KANSL3: variants seen among roughly 807,000 people sequenced by gnomAD.
KANSL3 encodes NSL complex protein NSL3.
Under a neutral mutation model 89.2 loss-of-function variants are expected in KANSL3, and 16 were observed. The ratio of observed to expected loss-of-function variants is 0.18; its 90% CI spans 0.12 to 0.27. The LOEUF (loss-of-function observed/expected upper bound fraction) is 0.27. Ranked by LOEUF, KANSL3 falls within the 10% of genes least tolerant of loss-of-function variation. The pLI is 1.00. For missense variants in KANSL3, 879 were observed against 1,110.6 expected, an observed-to-expected ratio of 0.79 and a Z score of 2.96; for synonymous variants, 385 against 419.7, an observed-to-expected ratio of 0.92 and a Z score of 1.01.
At chr2:96,604,902 A>G in intron 15 of KANSL3, 39 bp from the exon 16 acceptor site, 2 of 1,520,852 alleles carry the variant, frequency 1.3e-6, no homozygotes, top group Non-Finnish European at 1.8e-6. Context: ...GGTCAGTCCT[A>G]TTTGGCCTCT....
At chr2:96,612,169 T>G (rs2069122602) in intron 9 of KANSL3, 113 bp downstream of exon 9, 1 of 741,186 alleles carries the variant, frequency 1.3e-6, no homozygotes, top group Non-Finnish European at 2.4e-6. Flanking sequence ...AATGTAATTA[T>G]ATAGGTAAAG....
At chr2:96,584,798 T>C in the KANSL3 span, among the ~76,000 whole-genome samples, 1 of 152,218 alleles carries the variant, frequency 6.6e-6, no homozygotes, top group East Asian at 1.9e-4. Context: ...TCCTCTATCT[T>C]GGCTGCTGTG....
rs2068410231 is a variant in KANSL3, at chr2:96,608,866, C to G, written c.1582G>C (p.Glu528Gln). ...AKLPASPSGS[E>Q]DLSSVSSSPT... ...CGCTCCCTCCCTGCTCACACTACCT[C>G]TGAGCCTGAGGGTGAGGCGGGCAGC... Residue 528 changes from glutamate to glutamine, a missense_variant and splice_region_variant, in exon 13 of 21, where the codon GAG (glutamate) becomes CAG (glutamine). Around this residue, in one of 6 missense-constraint regions of KANSL3, gnomAD observed 317 missense variants for 311.2 expected, o/e 1.02. Coordinates refer to ENST00000431828, the MANE Select transcript of KANSL3 (RefSeq NM_001115016.3). 2 of 1,576,486 alleles carry G rather than the reference C, an allele frequency of 1.3e-6. No individual in the cohort carries two copies. The highest frequency in any genetic ancestry group is 2.3e-5 in the East Asian group (1 of 43,182).
At chr2:96,589,725 C>T (rs1308031146), downstream of KANSL3, among the ~76,000 whole-genome samples, 2 of 152,128 alleles carry the variant, frequency 1.3e-5, no homozygotes, top group Non-Finnish European at 2.9e-5. Context: ...AACACTCCAC[C>T]CTACAGCAGA....
rs1046639077 is a variant in KANSL3 at position 96,595,463 on chromosome 2, C to T, written c.*148G>A. On this transcript the variant is annotated 3_prime_UTR_variant, in exon 21 of 21. Transcript: ENST00000431828. ...CGTATCACCTAACCTAATGGTTTCTCTGAAGACAGTTGGCGGAGAGGCAAA... is the reference window on the plus strand; with the variant it reads ...CGTATCACCTAACCTAATGGTTTCTTTGAAGACAGTTGGCGGAGAGGCAAA... 2.9e-6 allele frequency: 2 copies of T among 694,332 alleles called. No homozygotes were observed. Among genetic ancestry groups the T allele is most frequent in the Non-Finnish European group, 4.8e-6 (2 of 414,834 alleles). The allele number at this position is 694,332 out of a possible 1,614,324, so 43.0% of individuals were successfully genotyped here.
rs1235251014 is a variant in KANSL3, at chr2:96,608,747, T to C, written c.1585-83A>G. 10 of 1,580,622 alleles carry C rather than the reference T, an allele frequency of 6.3e-6. No individual in the cohort carries two copies. In the East Asian group the frequency reaches 2.0e-4, roughly 32 times the overall value. On this transcript the variant is annotated intron_variant, in intron 13 of 20. Coordinates refer to ENST00000431828, the MANE Select transcript of KANSL3 (RefSeq NM_001115016.3). ...TCAGCATGTCCCTCTGGAATTCCCC[T>C]TGTAGGAACTCACAGGCCCATGGCA... is the stretch of plus-strand genomic sequence containing the variant.
At chr2:96,626,562 C>T (rs1023561889) in intron 3 of KANSL3, among the ~76,000 whole-genome samples, 1 of 152,200 alleles carries the variant, frequency 6.6e-6, no homozygotes, top group African/African-American at 2.4e-5. Context: ...GATACTACTA[C>T]ATTCTTTCAC....
chr2:96,626,355 TAA>T (rs2072310582), intron 3 of KANSL3, among the ~76,000 whole-genome samples: 1 of 98,190 alleles, frequency 1.0e-5, no homozygotes, highest in Admixed American at 1.4e-4. Flanking sequence ...GAAGGGGAAA[TAA>T]AGAGGGTGGG....
In KANSL3 at chr2:96,609,037, C is replaced by A; in HGVS notation, c.1411G>T (p.Val471Leu). 6.4e-7 allele frequency: 1 copy of A among 1,562,576 alleles called. No homozygotes were observed. The highest frequency in any genetic ancestry group is 8.7e-7 in the Non-Finnish European group (1 of 1,153,142). Residue 471 changes from valine (V) to leucine (L), a missense_variant, in exon 13 of 21, where the codon GTG becomes TTG. Around this residue, in one of 6 missense-constraint regions of KANSL3, gnomAD observed 317 missense variants for 311.2 expected, o/e 1.02. Coordinates refer to ENST00000431828, the MANE Select transcript of KANSL3 (RefSeq NM_001115016.3). ...ATGTGACCCTCAGCACGAGTGAGCA[C>A]TCCAGTCAGAAAGTCCACAATCTCA... ...QDEIVDFLTG[V>L]LTRAEGHMGS...
chr2:96,593,004 A>G (rs941104911), downstream of KANSL3, among the ~76,000 whole-genome samples: 11 of 144,552 alleles, frequency 7.6e-5, no homozygotes, highest in African/African-American at 2.5e-4. Flanking sequence ...CTCCATCTCG[A>G]AAAAAAAAAA....
At chr2:96,628,520 T>C in intron 3 of KANSL3, 1 of 171,768 alleles carries the variant, frequency 5.8e-6, no homozygotes, top group Non-Finnish European at 1.3e-5. Context: ...GGTGACGTAC[T>C]CCTGTAGTCC....
At position 96,612,870 on chromosome 2, in the gene KANSL3, G is replaced by C; in HGVS notation, c.860C>G (p.Pro287Arg). 6.4e-7 allele frequency: 1 copy of C among 1,573,102 alleles called. No homozygotes were observed. The highest frequency in any genetic ancestry group is 8.6e-7 in the Non-Finnish European group (1 of 1,159,514). ...CCAGAAGCGGTGGCGGCGTGAAGTGGGAAACACAGAGCTGGAGGGACCAGA... is the reference window on the plus strand; with the variant it reads ...CCAGAAGCGGTGGCGGCGTGAAGTGCGAAACACAGAGCTGGAGGGACCAGA... ...ASSGPSSSVF[P>R]TSRRHRFWQS... Residue 287 changes from proline (P) to arginine (R), a missense_variant, in exon 7 of 21, where the codon CCC becomes CGC. Pro to Arg is a moderately radical substitution (Grantham distance 103, BLOSUM62 -2). Coordinates refer to ENST00000431828, the MANE Select transcript of KANSL3 (RefSeq NM_001115016.3).
At chr2:96,580,720 CATT>C in the KANSL3 span, among the ~76,000 whole-genome samples, 1 of 152,166 alleles carries the variant, frequency 6.6e-6, no homozygotes, top group Non-Finnish European at 1.5e-5. Context: ...TAAAAGTTTG[CATT>C]TTAAAAAGTG....
chr2:96,592,627 A>C (rs1341924265), downstream of KANSL3, among the ~76,000 whole-genome samples: 2 of 152,194 alleles, frequency 1.3e-5, no homozygotes, highest in Admixed American at 6.5e-5. Context: ...AAAGACACTG[A>C]CATCAGACTG....
intron 3 of KANSL3, among the ~76,000 whole-genome samples, chr2:96,629,437 C>T (rs920759530): frequency 1.3e-4 from 20 of 152,178 alleles, no homozygotes; most frequent in Admixed American, 1.2e-3. Context: ...ATTCTCCTGC[C>T]TCAGCCTCCC....
At chr2:96,598,427 G>C (rs769433856) in intron 20 of KANSL3, among the ~76,000 whole-genome samples, 1 of 152,134 alleles carries the variant, frequency 6.6e-6, no homozygotes, top group Non-Finnish European at 1.5e-5. Context: ...AAAGCAAATA[G>C]AATAGACATG....
At chr2:96,613,716 T>G in intron 5 of KANSL3, 97 bp from the exon 6 acceptor site, 1 of 1,166,760 alleles carries the variant, frequency 8.6e-7, no homozygotes, top group Non-Finnish European at 1.2e-6. Context: ...CTATAAGCCA[T>G]AGACAGACTT....
At chr2:96,624,421 G>A (rs1277659515) in intron 3 of KANSL3, among the ~76,000 whole-genome samples, 1 of 152,074 alleles carries the variant, frequency 6.6e-6, no homozygotes, top group East Asian at 1.9e-4. Flanking sequence ...CCTTATTTGT[G>A]GACATTTAGG....
chr2:96,623,690 C>T (rs923076543), intron 3 of KANSL3, among the ~76,000 whole-genome samples: 1 of 152,182 alleles, frequency 6.6e-6, no homozygotes. Context: ...CTATCCCACC[C>T]TCTAATAAAG....
Sources: allele counts gnomAD v4.1 joint callset (sites outside exome capture counted in the v4.1 genomes callset), GRCh38; gene constraint gnomAD v4.1.1; regional missense constraint gnomAD v4.1.1; transcripts MANE v1.5; gene names NCBI Gene and HGNC (gene_info 2026-07-23, HGNC 2026-07-21).